Variants in TRA2A observed in about 807,000 individuals in gnomAD.
The protein encoded by TRA2A is transformer-2 protein homolog alpha.
TRA2A carries 31 observed loss-of-function variants against 45.7 expected under a neutral mutation model. That is an observed-to-expected ratio of 0.68 (90% confidence interval 0.51 to 0.92). The LOEUF (loss-of-function observed/expected upper bound fraction) is 0.92. TRA2A is among the 40% of genes least tolerant of loss of function. TRA2A has a pLI of 0.00. For synonymous variants in TRA2A, 132 were observed against 126.2 expected, an observed-to-expected ratio of 1.05 and a Z score of -0.31; for missense variants, 304 against 367.5, an observed-to-expected ratio of 0.83 and a Z score of 1.41.
At chr7:23,515,961 G>C (rs1390777756) in intron 3 of TRA2A, among the ~76,000 whole-genome samples, 1 of 151,864 alleles carries the variant, frequency 6.6e-6, no homozygotes, top group Non-Finnish European at 1.5e-5. Context: ...GATCACCTGA[G>C]GTCAGGAGTT....
chr7:23,505,495 A>C lies in TRA2A; in HGVS notation c.*64T>G. 2 of 570,198 alleles carry C rather than the reference A, an allele frequency of 3.5e-6. No individual in the cohort carries two copies. Among genetic ancestry groups the C allele is most frequent in the Non-Finnish European group, 6.2e-6 (2 of 321,044 alleles). 35.3% of individuals were successfully genotyped at this position (570,198 alleles called of 1,614,324 possible). The stretch of plus-strand genomic sequence containing the variant: ...AGAATCCACAGCTTGGGGAAATCTC[A>C]GAATTAAAAAAAAAAAAAAAAAAAA... On this transcript the variant is annotated 3_prime_UTR_variant, in exon 8 of 8. Coordinates refer to ENST00000297071, the MANE Select transcript of TRA2A (RefSeq NM_013293.5).
intron 4 of TRA2A, among the ~76,000 whole-genome samples, chr7:23,510,868 AAATT>A (rs1025131192): frequency 6.6e-6 from 1 of 152,184 alleles, no homozygotes; most frequent in African/African-American, 2.4e-5. Context: ...TAAGACTGAC[AAATT>A]AAGGCATTAA....
At chr7:23,516,267 C>T in intron 3 of TRA2A, 96 bp downstream of exon 3, 1 of 1,291,358 alleles carries the variant, frequency 7.7e-7, no homozygotes. Context: ...AGTATCACTT[C>T]TAAACAATGG....
chr7:23,530,219 G>A (rs905057406), intron 1 of TRA2A, among the ~76,000 whole-genome samples: 2 of 151,946 alleles, frequency 1.3e-5, no homozygotes, highest in Admixed American at 6.6e-5. Flanking sequence ...GTTCTGTTGG[G>A]GCCATCAATA....
At chr7:23,509,391 G>A (rs1412836270) in intron 4 of TRA2A, among the ~76,000 whole-genome samples, 1 of 152,138 alleles carries the variant, frequency 6.6e-6, no homozygotes, top group African/African-American at 2.4e-5. Context: ...GAAATTTTCA[G>A]AATCAGGGAG....
chr7:23,511,611 T>C (rs1384521230), intron 4 of TRA2A, among the ~76,000 whole-genome samples: 2 of 151,978 alleles, frequency 1.3e-5, no homozygotes, highest in Admixed American at 1.3e-4. Flanking sequence ...AGGCCAGGTA[T>C]GGTGGTTCAC....
At chr7:23,516,673 A>G (rs771798166) in intron 2 of TRA2A, 145 bp from the exon 3 acceptor site, 50 of 653,230 alleles carry the variant, frequency 7.7e-5, no homozygotes, top group South Asian at 3.1e-4. Context: ...CCTTTGGTTC[A>G]CTTAAGTCAC....
intron 5 of TRA2A, chr7:23,507,160 C>G (rs1789380970): frequency 6.7e-6 from 3 of 448,056 alleles, no homozygotes; most frequent in Non-Finnish European, 7.9e-6. Flanking sequence ...GAGTCTCACT[C>G]TGTTGCCCAG....
At chr7:23,517,502 A>AG (rs1789935011) in intron 2 of TRA2A, among the ~76,000 whole-genome samples, 1 of 146,784 alleles carries the variant, frequency 6.8e-6, no homozygotes, top group African/African-American at 2.5e-5. Flanking sequence ...AAAAAAAAAA[A>AG]AAGAGAGAAA....
chr7:23,527,657 C>T (rs1230407718), intron 1 of TRA2A, among the ~76,000 whole-genome samples: 1 of 152,218 alleles, frequency 6.6e-6, no homozygotes, highest in Non-Finnish European at 1.5e-5. Flanking sequence ...AGCCCACAGA[C>T]AAAGTGTTTT....
At chr7:23,525,537 C>CT (rs1345033856) in intron 1 of TRA2A, among the ~76,000 whole-genome samples, 1 of 152,210 alleles carries the variant, frequency 6.6e-6, no homozygotes, top group African/African-American at 2.4e-5. Flanking sequence ...ATCTTATAGG[C>CT]TATAAAGCAG....
intron 5 of TRA2A, among the ~76,000 whole-genome samples, chr7:23,506,898 C>T (rs1403113514): frequency 6.6e-6 from 1 of 152,150 alleles, no homozygotes; most frequent in Non-Finnish European, 1.5e-5. Context: ...GCCTCAGCCT[C>T]CTGAGTAGCT....
chr7:23,531,740 C>A (rs1164888930), intron 1 of TRA2A, 49 bp downstream of exon 1: 2 of 1,609,292 alleles, frequency 1.2e-6, no homozygotes, highest in South Asian at 2.2e-5. Context: ...CCCGTGAAAC[C>A]CCGAGCATTG....
rs1157020377 is a variant in TRA2A, at chr7:23,531,852, TAA to T, written c.-30_-29del. The T allele has an allele frequency of 1.2e-6, 2 of 1,613,228 alleles. No homozygotes were observed. Among genetic ancestry groups the T allele is most frequent in the Non-Finnish European group, 1.7e-6 (2 of 1,179,898 alleles). On this transcript the variant is annotated 5_prime_UTR_variant, in exon 1 of 8. Coordinates refer to ENST00000297071, the MANE Select transcript of TRA2A (RefSeq NM_013293.5). ...CGACGAGGCGCTCCCCAGAACTAAATAAGAGACAAGTCTCGGCTCGAGGGCCG... is the reference window on the plus strand; with the variant it reads ...CGACGAGGCGCTCCCCAGAACTAAATGAGACAAGTCTCGGCTCGAGGGCCG...
chr7:23,520,683 A>ATTT (rs11346990), intron 2 of TRA2A, among the ~76,000 whole-genome samples: 2 of 129,730 alleles, frequency 1.5e-5, no homozygotes, highest in Admixed American at 1.6e-4. Flanking sequence ...GCTGTTTTAA[A>ATTT]TTTTTTTTTT....
At chr7:23,506,290 C>A (rs1789337084) in intron 5 of TRA2A, 24 bp from the exon 6 acceptor site, 2 of 1,574,952 alleles carry the variant, frequency 1.3e-6, no homozygotes, top group Non-Finnish European at 1.7e-6. Context: ...TAAAAATTCT[C>A]CATTAGTGTG....
rs1416218503 is a variant in TRA2A at position 23,512,946 on chromosome 7, C to T, written c.473G>A (p.Arg158Gln). The T allele has an allele frequency of 3.1e-6, 5 of 1,613,508 alleles. No individual in the cohort carries two copies. Among genetic ancestry groups the T allele is most frequent in the Non-Finnish European group, 4.2e-6 (5 of 1,179,938 alleles). ...ATACACAAAAGCAAATCCTCGAGAT[C>T]GCCCAGTTCGCTGATCATAAACCAC... ...VNVVYDQRTG[R>Q]SRGFAFVYFE... The change falls in exon 4 of 8, where the codon CGA becomes CAA. Residue 158 changes from arginine to glutamine, a missense_variant. Arg to Gln is a conservative substitution (Grantham distance 43, BLOSUM62 1). Transcript: ENST00000297071.
chr7:23,515,090 A>G (rs1229154602), intron 3 of TRA2A, among the ~76,000 whole-genome samples: 1 of 152,224 alleles, frequency 6.6e-6, no homozygotes, highest in East Asian at 1.9e-4. Context: ...TGTACTGAAT[A>G]AAAGTGTTAG....
chr7:23,515,925 A>G (rs563462977), intron 3 of TRA2A, among the ~76,000 whole-genome samples: 58 of 151,278 alleles, frequency 3.8e-4, no homozygotes, highest in African/African-American at 1.4e-3. Context: ...CTGTAACCCC[A>G]GCACTTTGGG....
Sources: gnomAD v4.1 joint callset for allele counts (sites outside exome capture counted in the v4.1 genomes callset) on GRCh38, gnomAD v4.1.1 for gene constraint, MANE v1.5 for transcripts, NCBI Gene and HGNC (gene_info 2026-07-23, HGNC 2026-07-21) for gene names.